APAF1: variants seen among roughly 807,000 people sequenced by gnomAD.
APAF1 encodes the protein apoptotic protease-activating factor 1.
APAF1 carries 91 observed loss-of-function variants against 152.4 expected under a neutral mutation model. The observed-to-expected ratio is 0.60, with a 90% CI of 0.50 to 0.71. APAF1 has a LOEUF of 0.71. APAF1 is among the 30% of genes least tolerant of loss of function. The pLI is 0.00. For synonymous variants in APAF1, 484 were observed against 494.1 expected (o/e 0.98, Z 0.27); for missense variants, 1,283 against 1,472.0 (o/e 0.87, Z 2.10).
intron 15 of APAF1, among the ~76,000 whole-genome samples, chr12:98,684,515 C>T (rs540816328): frequency 6.8e-6 from 1 of 147,626 alleles, no homozygotes; most frequent in East Asian, 2.0e-4. Context: ...CCCACCCCCC[C>T]TCTCATTCTC....
rs1302251078 is a variant in APAF1 at position 98,735,010 on chromosome 12, G to A, written c.*2444G>A. On this transcript the variant is annotated 3_prime_UTR_variant, in exon 27 of 27. Coordinates refer to ENST00000551964, the MANE Select transcript of APAF1 (RefSeq NM_181861.2). ...TGCCTGTAATCCCAGCTCCTTGGGA[G>A]GCTAAGACAGGAGGATTCCTTGAGC... 2.1e-5 allele frequency: 8 copies of A among 389,258 alleles called. No homozygotes were observed. The highest frequency in any genetic ancestry group is 3.6e-5 in the East Asian group (1 of 27,580). The allele number at this position is 389,258 out of a possible 1,614,324, so 24.1% of individuals were successfully genotyped here.
chr12:98,677,882 A>G (rs1396287050), intron 13 of APAF1, among the ~76,000 whole-genome samples: 1 of 152,216 alleles, frequency 6.6e-6, no homozygotes, highest in Non-Finnish European at 1.5e-5. Flanking sequence ...TGATTAAAAA[A>G]CAGTGATTAG....
intron 5 of APAF1, among the ~76,000 whole-genome samples, chr12:98,661,840 A>AT (rs2097665803): frequency 6.6e-6 from 1 of 151,724 alleles, no homozygotes; most frequent in African/African-American, 2.4e-5. Context: ...TTTTAGTTAT[A>AT]TTTTTTCCCC....
At chr12:98,655,374 C>T (rs1332028526) in intron 4 of APAF1, among the ~76,000 whole-genome samples, 2 of 151,342 alleles carry the variant, frequency 1.3e-5, no homozygotes, top group African/African-American at 2.4e-5. Flanking sequence ...GGTGGCCGGG[C>T]AGAGGGGCTC....
intron 15 of APAF1, among the ~76,000 whole-genome samples, chr12:98,684,132 A>G (rs1181023408): frequency 6.6e-6 from 1 of 152,194 alleles, no homozygotes; most frequent in African/African-American, 2.4e-5. Flanking sequence ...TTCAGTTTGG[A>G]AAACTTCATA....
Position 98,734,688 on chromosome 12 carries a change from G to T in APAF1, c.*2122G>T, listed in dbSNP as rs1220477014. Reference sequence around the variant, plus strand: ...TTAAGGAGGTTTTTTGTTTTTAAATGGTGGGTCAAGGAGCTAGTTTACAGG... The same window carrying T: ...TTAAGGAGGTTTTTTGTTTTTAAATTGTGGGTCAAGGAGCTAGTTTACAGG... On this transcript the variant is annotated 3_prime_UTR_variant, in exon 27 of 27. Transcript: ENST00000551964. The T allele has an allele frequency of 1.3e-5, 2 of 152,808 alleles. No individual in the cohort carries two copies. Among genetic ancestry groups the T allele is most frequent in the Admixed American group, 1.3e-4 (2 of 15,298 alleles). 9.5% of individuals were successfully genotyped at this position (152,808 alleles called of 1,614,324 possible). A position where few individuals can be genotyped will look rare whatever the true frequency, so the allele number is the denominator to read the frequency against.
At chr12:98,726,678 C>A (rs1464405901) in intron 25 of APAF1, 2 of 154,564 alleles carry the variant, frequency 1.3e-5, no homozygotes, top group Admixed American at 1.3e-4. Flanking sequence ...GCTCCTTTCC[C>A]AGTTATGAGG....
intron 5 of APAF1, 133 bp from the exon 6 acceptor site, chr12:98,662,323 C>T (rs1477281434): frequency 7.2e-5 from 48 of 668,128 alleles, no homozygotes; most frequent in Non-Finnish European, 1.1e-4. Flanking sequence ...AATCATTTTC[C>T]TAGATCTAGC....
chr12:98,723,436 T>C lies in APAF1; in HGVS notation c.3204+124T>C, dbSNP rs188922163. 393 of 1,148,512 alleles carry C rather than the reference T, an allele frequency of 3.4e-4. 2 individuals carry two copies. The East Asian group carries it at 7.8e-3, about 23-fold the overall frequency. 71.1% of individuals were successfully genotyped at this position (1,148,512 alleles called of 1,614,324 possible). Reference sequence around the variant, plus strand: ...TAAAAATTTTTAATTTTTCTCATGCTTGTTTTCTGTTAATTGCAGTCACCT... The same window carrying C: ...TAAAAATTTTTAATTTTTCTCATGCCTGTTTTCTGTTAATTGCAGTCACCT... On this transcript the variant is annotated intron_variant, in intron 23 of 26. Coordinates refer to ENST00000551964, the MANE Select transcript of APAF1 (RefSeq NM_181861.2).
chr12:98,678,671 C>A (rs1367890537), intron 13 of APAF1, among the ~76,000 whole-genome samples: 1 of 152,238 alleles, frequency 6.6e-6, no homozygotes, highest in East Asian at 1.9e-4. Context: ...CCTGGAAGGA[C>A]CCCCTGCCCT....
In APAF1 at chr12:98,683,072, C is replaced by G. The variant is rs2097694150; in HGVS notation, c.2047-71C>G. The G allele has an allele frequency of 1.1e-5, 13 of 1,226,606 alleles. 1 individual carries two copies. The South Asian group carries it at 1.5e-4, about 14-fold the overall frequency. 76.0% of individuals were successfully genotyped at this position (1,226,606 alleles called of 1,614,324 possible). On this transcript the variant is annotated intron_variant, in intron 14 of 26. Coordinates refer to ENST00000551964, the MANE Select transcript of APAF1 (RefSeq NM_181861.2). ...AAGATAGCATTTGCAAAGCAATGGA[C>G]ATTGCTTTGCCCCTCTGTTCTCCCT...
At position 98,708,913 on chromosome 12, in the gene APAF1, C is replaced by T. The variant is rs956952183; in HGVS notation, c.2841+209C>T. 3.3e-5 allele frequency among the ~76,000 whole-genome samples: 5 copies of T among 152,332 alleles called. No homozygotes were observed. In the South Asian group the frequency reaches 8.3e-4, roughly 25 times the overall value. On this transcript the variant is annotated intron_variant, in intron 20 of 26. Coordinates refer to ENST00000551964, the MANE Select transcript of APAF1 (RefSeq NM_181861.2). ...TTAAATTAGATAATTCCTCATCTCA[C>T]TGCTCTTCTGTTGCTATCTATGATC...
chr12:98,726,368 T>C (rs2097750590), intron 25 of APAF1: 1 of 152,402 alleles, frequency 6.6e-6, no homozygotes, highest in Admixed American at 6.5e-5. Flanking sequence ...AGTTTGGGTA[T>C]TGGGATGACT....
intron 22 of APAF1, among the ~76,000 whole-genome samples, chr12:98,719,860 A>G (rs1458430641): frequency 6.6e-6 from 1 of 152,138 alleles, no homozygotes; most frequent in Non-Finnish European, 1.5e-5. Context: ...TTTAGTATAT[A>G]TATTAATTGT....
At chr12:98,716,119 C>T (rs1319432821) in intron 22 of APAF1, among the ~76,000 whole-genome samples, 1 of 152,186 alleles carries the variant, frequency 6.6e-6, no homozygotes, top group Non-Finnish European at 1.5e-5. Flanking sequence ...CCCTTTCCCC[C>T]ATTTCTCGTT....
At chr12:98,647,174 C>T (rs1028133738) in intron 1 of APAF1, among the ~76,000 whole-genome samples, 3 of 150,760 alleles carry the variant, frequency 2.0e-5, no homozygotes, top group African/African-American at 7.3e-5. Context: ...CCAGCACTTT[C>T]GGAGGCTGTG....
intron 13 of APAF1, among the ~76,000 whole-genome samples, chr12:98,679,874 G>A (rs973211225): frequency 6.6e-6 from 1 of 152,248 alleles, no homozygotes; most frequent in South Asian, 2.1e-4. Flanking sequence ...CACACGCCTC[G>A]CTGTTCCACG....
chr12:98,667,321 G>C (rs2097674273), intron 9 of APAF1, among the ~76,000 whole-genome samples, 192 bp from the exon 10 acceptor site: 1 of 150,984 alleles, frequency 6.6e-6, no homozygotes, highest in Non-Finnish European at 1.5e-5. Flanking sequence ...TCTCTATGTT[G>C]CCCAGGCTAG....
chr12:98,721,827 A>T (rs2097743352), intron 22 of APAF1, among the ~76,000 whole-genome samples: 1 of 152,164 alleles, frequency 6.6e-6, no homozygotes, highest in Admixed American at 6.5e-5. Context: ...GGAATAAGAG[A>T]TGTCATTTAT....
Sources: allele counts gnomAD v4.1 joint callset (sites outside exome capture counted in the v4.1 genomes callset), GRCh38; gene constraint gnomAD v4.1.1; transcripts MANE v1.5; gene names NCBI Gene and HGNC (gene_info 2026-07-23, HGNC 2026-07-21).